The following LOXL2 variants were observed in gnomAD, a reference collection of about 807,000 sequenced individuals.
The protein encoded by LOXL2 is lysyl oxidase homolog 2.
LOXL2 carries 70 observed loss-of-function variants against 93.0 expected under a neutral mutation model. The ratio of observed to expected loss-of-function variants is 0.75; its 90% CI spans 0.62 to 0.92. LOXL2 has a LOEUF of 0.92. Ranked by LOEUF, LOXL2 falls within the 40% of genes least tolerant of loss-of-function variation. The pLI, the probability that LOXL2 is intolerant of heterozygous loss-of-function variation, is 0.00. For missense variants in LOXL2, 973 were observed against 1,054.9 expected (o/e 0.92, Z 1.08); for synonymous variants, 438 against 413.2 (o/e 1.06, Z -0.73).
intron 2 of LOXL2, chr8:23,366,248 T>C (rs1386881661): frequency 6.6e-6 from 1 of 152,208 alleles, no homozygotes; most frequent in Non-Finnish European, 1.5e-5. Context: ...TGTGGAAGTA[T>C]CGGACGTTTG....
intron 10 of LOXL2, among the ~76,000 whole-genome samples, chr8:23,308,812 C>T (rs1048871568): frequency 3.3e-5 from 5 of 151,978 alleles, no homozygotes; most frequent in African/African-American, 7.3e-5. Context: ...AAGGGACAGG[C>T]GAGGTCCCAG....
chr8:23,355,365 T>C (rs1321518270), intron 3 of LOXL2, among the ~76,000 whole-genome samples: 2 of 152,104 alleles, frequency 1.3e-5, no homozygotes, highest in African/African-American at 4.8e-5. Flanking sequence ...TGATATGGTT[T>C]CCAGATTTGT....
rs770228302 is a variant in LOXL2 at position 23,360,126 on chromosome 8, C to T, written c.495G>A (p.Gly165=). ...GVVCSDKRIP[G]FKFDNSLINQ... The stretch of plus-strand genomic sequence containing the variant: ...TGATCAACGAATTGTCAAATTTGAA[C>T]CCAGGAATCCTTTTGTCGCTGCACA... The change falls in exon 3 of 14, where the codon GGG becomes GGA. Residue 165 remains glycine (G), a synonymous_variant. Transcript: ENST00000389131. 6.2e-7 allele frequency: 1 copy of T among 1,609,818 alleles called. No individual in the cohort carries two copies. Among genetic ancestry groups the T allele is most frequent in the South Asian group, 1.1e-5 (1 of 90,984 alleles).
chr8:23,378,363 G>A (rs920539321), intron 1 of LOXL2, among the ~76,000 whole-genome samples: 12 of 152,184 alleles, frequency 7.9e-5, no homozygotes, highest in South Asian at 2.1e-4. Context: ...CTCTCTGGCT[G>A]TCCTTAACAT....
intron 1 of LOXL2, among the ~76,000 whole-genome samples, chr8:23,396,385 A>G (rs752068756): frequency 2.6e-5 from 4 of 152,102 alleles, no homozygotes; most frequent in Non-Finnish European, 5.9e-5. Context: ...TGGGAAGGGA[A>G]GGAGGGAGGA....
At chr8:23,315,971 G>T (rs546634541) in intron 9 of LOXL2, among the ~76,000 whole-genome samples, 4 of 152,308 alleles carry the variant, frequency 2.6e-5, no homozygotes, top group African/African-American at 9.6e-5. Flanking sequence ...CTTTCCCCCG[G>T]GGAGCTGGTA....
At chr8:23,390,263 T>C (rs926853876) in intron 1 of LOXL2, among the ~76,000 whole-genome samples, 1 of 152,160 alleles carries the variant, frequency 6.6e-6, no homozygotes, top group Non-Finnish European at 1.5e-5. Context: ...GGAAACAGGC[T>C]GTCTTGGCTG....
At chr8:23,320,644 A>C (rs1225673511) in intron 7 of LOXL2, among the ~76,000 whole-genome samples, 3 of 152,234 alleles carry the variant, frequency 2.0e-5, no homozygotes, top group Non-Finnish European at 4.4e-5. Context: ...ATGGTAGCTC[A>C]TGCCTGTAAT....
chr8:23,331,176 A>AG (rs928537480), intron 5 of LOXL2, among the ~76,000 whole-genome samples: 2 of 152,030 alleles, frequency 1.3e-5, no homozygotes, highest in African/African-American at 2.4e-5. Context: ...CTCAACAAAG[A>AG]GGGGAGACCG....
intron 1 of LOXL2, among the ~76,000 whole-genome samples, chr8:23,402,024 ACGTGCACACATG>A (rs1450587082): frequency 6.6e-6 from 1 of 152,264 alleles, no homozygotes; most frequent in Admixed American, 6.5e-5. Flanking sequence ...ACATATACAC[ACGTGCACACATG>A]CGTGCACACA....
chr8:23,298,149 A>T, intron 13 of LOXL2, 27 bp from the exon 14 acceptor site: 1 of 1,589,930 alleles, frequency 6.3e-7, no homozygotes. Context: ...GGGTAGAGAG[A>T]GTGGACAAAT....
chr8:23,343,022 A>G, intron 3 of LOXL2, among the ~76,000 whole-genome samples: 1 of 152,218 alleles, frequency 6.6e-6, no homozygotes, highest in East Asian at 1.9e-4. Flanking sequence ...AAGTGCTGGA[A>G]TTACAGGTAT....
intron 3 of LOXL2, among the ~76,000 whole-genome samples, chr8:23,345,300 A>G (rs1372308507): frequency 6.6e-6 from 1 of 152,194 alleles, no homozygotes; most frequent in African/African-American, 2.4e-5. Context: ...TGTCCAATAC[A>G]TTGCCTGGTA....
chr8:23,396,042 G>A lies in LOXL2; in HGVS notation c.-84+7912C>T, dbSNP rs551923264. On this transcript the variant is annotated intron_variant, in intron 1 of 13. Transcript: ENST00000389131. ...TCGTTCTACTTAAGAAGAGAGAGAA[G>A]TCTGGGCACGGTGGCTTACACCTGT... Among the ~76,000 whole-genome samples, 4 of 152,234 alleles carry A rather than the reference G, an allele frequency of 2.6e-5. No individual in the cohort carries two copies. The South Asian group carries it at 8.3e-4, about 32-fold the overall frequency.
chr8:23,366,359 G>A (rs1490988142), intron 2 of LOXL2, among the ~76,000 whole-genome samples: 1 of 152,238 alleles, frequency 6.6e-6, no homozygotes, highest in Non-Finnish European at 1.5e-5. Context: ...ATTTGACTCT[G>A]TGCTGTCTCC....
intron 1 of LOXL2, among the ~76,000 whole-genome samples, chr8:23,371,519 G>T (rs1804492687): frequency 6.6e-6 from 1 of 152,066 alleles, no homozygotes; most frequent in Non-Finnish European, 1.5e-5. Context: ...TTGGGAGGCT[G>T]AGGCGGGCGG....
intron 3 of LOXL2, among the ~76,000 whole-genome samples, chr8:23,348,303 G>GTAAA (rs1804027574): frequency 6.6e-6 from 1 of 151,866 alleles, no homozygotes; most frequent in South Asian, 2.1e-4. Context: ...AATACCTAAT[G>GTAAA]TAAATGATGG....
chr8:23,362,474 T>G (rs1804312228), intron 2 of LOXL2, among the ~76,000 whole-genome samples: 1 of 152,250 alleles, frequency 6.6e-6, no homozygotes, highest in Admixed American at 6.5e-5. Context: ...AGTTCATGCC[T>G]GTAATCTCAA....
At chr8:23,350,019 G>T (rs1371292632) in intron 3 of LOXL2, among the ~76,000 whole-genome samples, 1 of 152,016 alleles carries the variant, frequency 6.6e-6, no homozygotes, top group Admixed American at 6.6e-5. Flanking sequence ...GTGACTTATG[G>T]ATAGACAGGA....
Sources: gnomAD v4.1 joint callset for allele counts (sites outside exome capture counted in the v4.1 genomes callset) on GRCh38, gnomAD v4.1.1 for gene constraint, MANE v1.5 for transcripts, NCBI Gene and HGNC (gene_info 2026-07-23, HGNC 2026-07-21) for gene names.